The following ELAVL2 variants were observed in gnomAD, a reference collection of about 807,000 sequenced individuals.
ELAVL2 encodes ELAV-like protein 2.
Under a neutral mutation model 34.6 loss-of-function variants are expected in ELAVL2, and 4 were observed. The observed-to-expected ratio is 0.12, with a 90% CI of 0.06 to 0.26. The LOEUF (loss-of-function observed/expected upper bound fraction) is 0.26, where lower values mean the gene tolerates loss of function less well. Among genes scored for constraint, ELAVL2 ranks in the 10% least tolerant of loss-of-function variants. The pLI is 1.00. For synonymous variants in ELAVL2, 193 were observed against 154.8 expected (o/e 1.25, Z -1.83); for missense variants, 432 against 442.8 (o/e 0.98, Z 0.22).
At chr9:23,741,062 A>T (rs1259268502) in intron 2 of ELAVL2, among the ~76,000 whole-genome samples, 1 of 152,220 alleles carries the variant, frequency 6.6e-6, no homozygotes, top group African/African-American at 2.4e-5. Context: ...TGAAATACAT[A>T]AAGTGCATCG....
intron 2 of ELAVL2, among the ~76,000 whole-genome samples, chr9:23,754,346 A>G (rs1193355493): frequency 6.6e-6 from 1 of 152,184 alleles, no homozygotes; most frequent in African/African-American, 2.4e-5. Context: ...CTAAAGAAGC[A>G]GCTCTTTGAT....
At chr9:23,702,950 G>GAAAAAAAAAAAAA (rs1164109229) in intron 4 of ELAVL2, among the ~76,000 whole-genome samples, 1 of 7,646 alleles carries the variant, frequency 1.3e-4, no homozygotes, top group Non-Finnish European at 3.4e-4. Context: ...CATCAGATTA[G>GAAAAAAAAAAAAA]CAAAAAAAAA....
At chr9:23,764,900 G>T (rs2055889345) in intron 1 of ELAVL2, 1 of 1,124,116 alleles carries the variant, frequency 8.9e-7, no homozygotes, top group Non-Finnish European at 1.3e-6. Flanking sequence ...TTAAATGTAA[G>T]AATAATTAGT....
At chr9:23,793,389 C>G (rs1036338863) in intron 1 of ELAVL2, among the ~76,000 whole-genome samples, 9 of 152,152 alleles carry the variant, frequency 5.9e-5, no homozygotes, top group African/African-American at 2.2e-4. Flanking sequence ...TTCAGAGGCT[C>G]TCATCTCCCC....
intron 1 of ELAVL2, chr9:23,821,702 T>TGGCGGCGGCGGCGGCGGCGGC (rs879275152): frequency 6.6e-6 from 1 of 151,732 alleles, no homozygotes; most frequent in African/African-American, 2.4e-5. Flanking sequence ...GGAGAGGCGG[T>TGGCGGCGGCGGCGGCGGCGGC]GGCGGCGGCG....
intron 2 of ELAVL2, among the ~76,000 whole-genome samples, chr9:23,753,994 T>C (rs1405176626): frequency 3.3e-5 from 5 of 152,046 alleles, no homozygotes; most frequent in African/African-American, 1.2e-4. Context: ...ACGGCTATTC[T>C]AAAAGTTCCT....
chr9:23,747,844 G>A (rs1342169063), intron 2 of ELAVL2, among the ~76,000 whole-genome samples: 2 of 152,134 alleles, frequency 1.3e-5, no homozygotes, highest in East Asian at 1.9e-4. Flanking sequence ...GTGGAATGAT[G>A]TACTTGCAGC....
intron 3 of ELAVL2, among the ~76,000 whole-genome samples, chr9:23,707,176 G>A (rs1279802266): frequency 6.6e-6 from 1 of 152,106 alleles, no homozygotes; most frequent in Non-Finnish European, 1.5e-5. Flanking sequence ...AAGAACAAGT[G>A]GCCAATTTCA....
chr9:23,739,224 G>C (rs1233355928), intron 2 of ELAVL2, among the ~76,000 whole-genome samples: 1 of 152,154 alleles, frequency 6.6e-6, no homozygotes, highest in African/African-American at 2.4e-5. Flanking sequence ...CAGCCTGAAA[G>C]AAAGTGACTG....
intron 1 of ELAVL2, among the ~76,000 whole-genome samples, chr9:23,797,758 G>T (rs1320441190): frequency 6.6e-6 from 1 of 151,898 alleles, no homozygotes; most frequent in Admixed American, 6.6e-5. Flanking sequence ...AGAAAACCCC[G>T]CCTCTGCTAA....
intron 2 of ELAVL2, 69 bp downstream of exon 2, chr9:23,761,937 A>G: frequency 6.7e-7 from 1 of 1,487,036 alleles, no homozygotes; most frequent in Non-Finnish European, 9.0e-7. Flanking sequence ...ACAAGCAGTA[A>G]TCTTATTATT....
intron 4 of ELAVL2, 129 bp downstream of exon 4, chr9:23,704,789 T>C (rs1429364630): frequency 8.5e-7 from 1 of 1,181,042 alleles, no homozygotes; most frequent in Non-Finnish European, 1.2e-6. Flanking sequence ...CAGCAGAAAA[T>C]TGCATTTTCT....
chr9:23,739,433 T>C (rs1427299436), intron 2 of ELAVL2, among the ~76,000 whole-genome samples: 1 of 152,164 alleles, frequency 6.6e-6, no homozygotes, highest in African/African-American at 2.4e-5. Context: ...GTTAGGACAT[T>C]AACAACTCTA....
chr9:23,796,714 G>A (rs2060975403), intron 1 of ELAVL2, among the ~76,000 whole-genome samples: 1 of 152,186 alleles, frequency 6.6e-6, no homozygotes, highest in Non-Finnish European at 1.5e-5. Context: ...CCCTGCACAA[G>A]AAGATATTTA....
At chr9:23,702,526 G>A (rs2037624471) in intron 4 of ELAVL2, among the ~76,000 whole-genome samples, 1 of 151,902 alleles carries the variant, frequency 6.6e-6, no homozygotes, top group Non-Finnish European at 1.5e-5. Flanking sequence ...ATAAGCAGTG[G>A]CAGGGAAATT....
At chr9:23,850,129 C>A in the ELAVL2 span, among the ~76,000 whole-genome samples, 1 of 151,662 alleles carries the variant, frequency 6.6e-6, no homozygotes. Context: ...GTGGAAAAAG[C>A]CAAACTAACA....
In ELAVL2 at chr9:23,700,467, CT is replaced by C. The variant is rs377565981; in HGVS notation, c.713+911del. 1.4e-4 allele frequency among the ~76,000 whole-genome samples: 22 copies of C among 152,264 alleles called. 1 individual carries two copies. In the East Asian group the frequency reaches 4.3e-3, roughly 29 times the overall value. Reference sequence around the variant, plus strand: ...ACTTAAACAGTTAGCATATGTACACCTGTCAGTGAGATAGAGTGTCTTCTTT... The same window carrying C: ...ACTTAAACAGTTAGCATATGTACACCGTCAGTGAGATAGAGTGTCTTCTTT... On this transcript the variant is annotated intron_variant, in intron 5 of 6. Coordinates refer to ENST00000397312, the MANE Select transcript of ELAVL2 (RefSeq NM_004432.5).
At chr9:23,802,327 T>A (rs1588650444) in intron 1 of ELAVL2, among the ~76,000 whole-genome samples, 1 of 152,194 alleles carries the variant, frequency 6.6e-6, no homozygotes, top group South Asian at 2.1e-4. Flanking sequence ...TTCCAAACGC[T>A]AGCCCACAGC....
intron 2 of ELAVL2, among the ~76,000 whole-genome samples, chr9:23,756,277 C>T (rs1257887780): frequency 6.6e-6 from 1 of 152,140 alleles, no homozygotes; most frequent in East Asian, 1.9e-4. Flanking sequence ...ATGGCAGGAG[C>T]CTTATCATGC....
Sources: allele counts gnomAD v4.1 joint callset (sites outside exome capture counted in the v4.1 genomes callset), GRCh38; gene constraint gnomAD v4.1.1; transcripts MANE v1.5; gene names NCBI Gene and HGNC (gene_info 2026-07-23, HGNC 2026-07-21).